USP47: variants seen among roughly 807,000 people sequenced by gnomAD.
USP47 encodes the protein ubiquitin carboxyl-terminal hydrolase 47.
Under a neutral mutation model 165.1 loss-of-function variants are expected in USP47, and 35 were observed. The ratio of observed to expected loss-of-function variants is 0.21; its 90% confidence interval spans 0.16 to 0.28. USP47 has a LOEUF of 0.28. Among genes scored for constraint, USP47 ranks in the 10% least tolerant of loss-of-function variants. USP47 has a pLI of 1.00. For synonymous variants in USP47, 531 were observed against 544.5 expected (o/e 0.98, Z 0.35); for missense variants, 1,277 against 1,607.4 (o/e 0.79, Z 3.52).
chr11:11,954,970 G>T, intron 26 of USP47, 26 bp downstream of exon 26: 1 of 1,613,824 alleles, frequency 6.2e-7, no homozygotes, highest in Non-Finnish European at 8.5e-7. Context: ...TGTTGCATCT[G>T]TGTATTGTGC....
chr11:11,902,802 A>C lies in USP47; in HGVS notation c.681A>C (p.Lys227Asn). The change falls in exon 6 of 28, where the codon AAA becomes AAC. Residue 227 changes from lysine to asparagine, a missense_variant. Lys to Asn is a moderately conservative substitution (Grantham distance 94). This residue lies in a region of USP47 where 175 missense variants were observed against 295.8 expected (regional missense o/e 0.59). Coordinates refer to ENST00000527733, the MANE Select transcript of USP47 (RefSeq NM_001282659.2). ...QRLFVLLQTS[K>N]KRAIETTDVT... ...TTTTTGTTTTGTTACAAACCAGCAAAAAGAGAGCAATTGAAACCACAGATG... is the reference window on the plus strand; with the variant it reads ...TTTTTGTTTTGTTACAAACCAGCAACAAGAGAGCAATTGAAACCACAGATG... 1 of 1,604,158 alleles carries C rather than the reference A, an allele frequency of 6.2e-7. No homozygotes were observed. The highest frequency in any genetic ancestry group is 1.1e-5 in the South Asian group (1 of 88,996).
chr11:11,910,690 A>G (rs945880985), intron 8 of USP47, among the ~76,000 whole-genome samples: 1 of 152,160 alleles, frequency 6.6e-6, no homozygotes, highest in African/African-American at 2.4e-5. Context: ...AGCTTCCTCC[A>G]TTCAGATGTC....
At chr11:11,925,491 T>C (rs551937290) in intron 11 of USP47, among the ~76,000 whole-genome samples, 131 of 152,322 alleles carry the variant, frequency 8.6e-4, no homozygotes, top group African/African-American at 2.5e-3. Flanking sequence ...TTTGACACTA[T>C]TGTAAATGGA....
chr11:11,894,471 A>T (rs1851728897), intron 4 of USP47, among the ~76,000 whole-genome samples: 1 of 152,092 alleles, frequency 6.6e-6, no homozygotes, highest in Admixed American at 6.5e-5. Context: ...AAAAAGAAAA[A>T]TGTAGGTTCC....
chr11:11,936,276 T>C, intron 16 of USP47, 27 bp from the exon 17 acceptor site: 1 of 1,360,470 alleles, frequency 7.4e-7, no homozygotes, highest in Admixed American at 2.4e-5. Context: ...ATATATTTTT[T>C]CTTTCTGGGG....
chr11:11,909,929 T>G (rs1852841182), intron 8 of USP47, among the ~76,000 whole-genome samples: 1 of 152,190 alleles, frequency 6.6e-6, no homozygotes, highest in Admixed American at 6.5e-5. Context: ...ACAGGTGGTT[T>G]GGACATTCTT....
intron 14 of USP47, among the ~76,000 whole-genome samples, chr11:11,931,895 T>C (rs1210371117): frequency 1.3e-5 from 2 of 152,114 alleles, no homozygotes; most frequent in Non-Finnish European, 2.9e-5. Flanking sequence ...TATATGTGAG[T>C]CTATAGTAAT....
chr11:11,841,998 C>G lies in USP47; in HGVS notation c.-188C>G, dbSNP rs558673933. 1 of 556,748 alleles carries G rather than the reference C, an allele frequency of 1.8e-6. No individual in the cohort carries two copies. The allele number at this position is 556,748 out of a possible 1,614,324, so 34.5% of individuals were successfully genotyped here. A position where few individuals can be genotyped will look rare whatever the true frequency, so the allele number is the denominator to read the frequency against. The stretch of plus-strand genomic sequence containing the variant: ...ACGAAGGCGGCTGTGGTAGCGGCGG[C>G]GGCGGCGGCGGAGCCCTGGGTCGGT... On this transcript the variant is annotated 5_prime_UTR_variant, in exon 1 of 28. Transcript: ENST00000527733.
intron 8 of USP47, among the ~76,000 whole-genome samples, 188 bp from the exon 9 acceptor site, chr11:11,919,967 AT>A (rs1412110658): frequency 6.6e-6 from 1 of 151,442 alleles, no homozygotes; most frequent in Non-Finnish European, 1.5e-5. Flanking sequence ...GAATGAAATA[AT>A]TTTTTTTGCT....
intron 24 of USP47, chr11:11,951,720 A>G (rs1262993698): frequency 6.6e-6 from 1 of 152,222 alleles, no homozygotes; most frequent in East Asian, 1.9e-4. Flanking sequence ...TAATTCAACC[A>G]TAAATTTAAA....
Position 11,936,607 on chromosome 11 carries a change from G to A in USP47, c.2077+97G>A, listed in dbSNP as rs540210725. On this transcript the variant is annotated intron_variant, in intron 17 of 27. Coordinates refer to ENST00000527733, the MANE Select transcript of USP47 (RefSeq NM_001282659.2). The stretch of plus-strand genomic sequence containing the variant: ...TAGAAATGAACATAATTTAAATTTT[G>A]TATATGGTCTTAAAATGTAGAATAA... 8 of 1,013,738 alleles carry A rather than the reference G, an allele frequency of 7.9e-6. No homozygotes were observed. The South Asian group carries it at 9.7e-5, about 12-fold the overall frequency. The allele number at this position is 1,013,738 out of a possible 1,614,324, so 62.8% of individuals were successfully genotyped here.
rs772148172 is a variant in USP47 at position 11,929,467 on chromosome 11, G to A, written c.1420G>A (p.Val474Ile). 2 of 1,612,852 alleles carry A rather than the reference G, an allele frequency of 1.2e-6. No homozygotes were observed. The highest frequency in any genetic ancestry group is 1.1e-5 in the South Asian group (1 of 91,010). ...GATCTATGAACTTTTCTCTGTTATG[G>A]TTCATTCTGGGAGCGCTGCTGGTGG... ...SLIYELFSVM[V>I]HSGSAAGGHY... Residue 474 changes from valine to isoleucine, a missense_variant, in exon 12 of 28, where the codon GTT (valine) becomes ATT (isoleucine). Val to Ile is a conservative substitution (Grantham distance 29, BLOSUM62 3). Around this residue, in one of 4 missense-constraint regions of USP47, gnomAD observed 909 missense variants for 1,068.1 expected, o/e 0.85. Coordinates refer to ENST00000527733, the MANE Select transcript of USP47 (RefSeq NM_001282659.2).
In USP47 at chr11:11,958,324, A is replaced by G. The variant is rs1329936130; in HGVS notation, c.*2149A>G. The G allele has an allele frequency of 4.6e-5, 7 of 152,226 alleles. No homozygotes were observed. Among genetic ancestry groups the G allele is most frequent in the African/African-American group, 1.7e-4 (7 of 41,444 alleles). 9.4% of individuals were successfully genotyped at this position (152,226 alleles called of 1,614,324 possible). ...TGTATTACAGATACAAATAAGAGTAAAGAAAATATATTTCATTATAGAAAA... is the reference window on the plus strand; with the variant it reads ...TGTATTACAGATACAAATAAGAGTAGAGAAAATATATTTCATTATAGAAAA... On this transcript the variant is annotated 3_prime_UTR_variant, in exon 28 of 28. Coordinates refer to ENST00000527733, the MANE Select transcript of USP47 (RefSeq NM_001282659.2).
intron 10 of USP47, among the ~76,000 whole-genome samples, chr11:11,921,047 T>C (rs1053892147): frequency 1.3e-5 from 2 of 151,836 alleles, no homozygotes; most frequent in African/African-American, 4.8e-5. Context: ...GATGTAATGC[T>C]TATCAATTTC....
intron 7 of USP47, 62 bp from the exon 8 acceptor site, chr11:11,905,337 T>C: frequency 7.8e-7 from 1 of 1,282,144 alleles, no homozygotes; most frequent in Non-Finnish European, 1.1e-6. Context: ...AAGTGTAGAA[T>C]GTTACATGTT....
intron 10 of USP47, among the ~76,000 whole-genome samples, chr11:11,920,726 A>G (rs1437115942): frequency 6.6e-6 from 1 of 151,872 alleles, no homozygotes; most frequent in African/African-American, 2.4e-5. Flanking sequence ...AGAGTAACTT[A>G]TGATACTCTT....
intron 6 of USP47, 53 bp downstream of exon 6, chr11:11,902,913 A>G: frequency 6.8e-7 from 1 of 1,462,958 alleles, no homozygotes; most frequent in South Asian, 1.6e-5. Context: ...AAATTCTAGA[A>G]GACAATAATA....
At chr11:11,937,468 C>T (rs1855153420) in intron 17 of USP47, among the ~76,000 whole-genome samples, 2 of 151,574 alleles carry the variant, frequency 1.3e-5, no homozygotes, top group South Asian at 4.1e-4. Context: ...AAGGAGTCTA[C>T]GGCTCTTAAG....
intron 15 of USP47, 125 bp from the exon 16 acceptor site, chr11:11,933,706 A>C: frequency 1.6e-6 from 1 of 625,986 alleles, no homozygotes. Flanking sequence ...GAATAGATAG[A>C]AGAGTGATCT....
Sources: allele counts gnomAD v4.1 joint callset (sites outside exome capture counted in the v4.1 genomes callset), GRCh38; gene constraint gnomAD v4.1.1; regional missense constraint gnomAD v4.1.1; transcripts MANE v1.5; gene names NCBI Gene and HGNC (gene_info 2026-07-23, HGNC 2026-07-21).